The following PHF12 variants were observed in gnomAD, a reference collection of about 807,000 sequenced individuals.
PHF12 encodes the protein PHD finger protein 12, also known as PHD factor 1.
A neutral mutation model predicts 99.8 loss-of-function variants in PHF12; 6 were observed. That is an observed-to-expected ratio of 0.06 (90% CI 0.03 to 0.12). PHF12 has a LOEUF of 0.12. Among genes scored for constraint, PHF12 ranks in the 10% least tolerant of loss-of-function variants. The probability of loss-of-function intolerance (pLI) is 1.00; values close to 1 mark genes in which losing one functional copy is unlikely to be tolerated. For synonymous variants in PHF12, 480 were observed against 514.9 expected, an observed-to-expected ratio of 0.93 and a Z score of 0.92; for missense variants, 954 against 1,300.1, an observed-to-expected ratio of 0.73 and a Z score of 4.09.
chr17:28,951,318 G>A lies in PHF12; in HGVS notation c.-358C>T. The A allele has an allele frequency of 1.8e-6, 2 of 1,082,604 alleles. No individual in the cohort carries two copies. Among genetic ancestry groups the A allele is most frequent in the Non-Finnish European group, 2.2e-6 (2 of 889,250 alleles). The allele number at this position is 1,082,604 out of a possible 1,614,324, so 67.1% of individuals were successfully genotyped here. On this transcript the variant is annotated 5_prime_UTR_variant, in exon 1 of 15. Transcript: ENST00000332830. ...TGGCGGGCGCTGCCATCCCGGGGCT[G>A]GGGGTATCGGAGGGGGGGTGAGAGG...
Position 28,906,356 on chromosome 17 carries a change from G to A in PHF12, c.2842C>T (p.His948Tyr), listed in dbSNP as rs756491308. 3 of 1,614,210 alleles carry A rather than the reference G, an allele frequency of 1.9e-6. No individual in the cohort carries two copies. Among genetic ancestry groups the A allele is most frequent in the Non-Finnish European group, 1.7e-6 (2 of 1,180,046 alleles). ...GAGWEGTALL[H>Y]HGSYIKLGCL... The stretch of plus-strand genomic sequence containing the variant: ...CCCAGCTTGATGTAGCTGCCATGGT[G>A]CAGTAAGGCTGTGCCCTCCCAGCCG... Residue 948 changes from histidine (H) to tyrosine (Y), a missense_variant, in exon 15 of 15, where the codon CAC becomes TAC. Physicochemically the swap from His to Tyr is moderately conservative, Grantham distance 83. Around this residue, in one of 8 missense-constraint regions of PHF12, gnomAD observed 136 missense variants for 172.3 expected, o/e 0.79. Coordinates refer to ENST00000332830, the MANE Select transcript of PHF12 (RefSeq NM_001033561.2). This position sits in a 1 kb window ranked among gnomAD's most constrained non-coding sequence, Gnocchi z 4.2.
At position 28,908,841 on chromosome 17, in the gene PHF12, G is replaced by T. The variant is rs764743560; in HGVS notation, c.2400C>A (p.Pro800=). ...KEVQARAVFY[P]LLGLGGAVNM... ...TCACAGCTCCTCCCAACCCTAAGAG[G>T]GGGTAGAACACAGCTCGGGCCTGTA... Residue 800 remains proline (P), a synonymous_variant, in exon 12 of 15, where the codon CCC becomes CCA. Transcript: ENST00000332830. The T allele has an allele frequency of 1.3e-5, 21 of 1,613,992 alleles. No individual in the cohort carries two copies. The highest frequency in any genetic ancestry group is 1.7e-5 in the Non-Finnish European group (20 of 1,180,032).
rs752658768 is a variant in PHF12 at position 28,913,037 on chromosome 17, G to C, written c.1534C>G (p.His512Asp). The change falls in exon 9 of 15, where the codon CAC (histidine) becomes GAC (aspartate). Residue 512 changes from histidine (H) to aspartate (D), a missense_variant. Transcript: ENST00000332830. The part of the protein sequence containing the change: ...TQNSLSCSPP[H>D]QSPALEDIGC... ...ATGTCCTCTAGGGCTGGGGACTGGT[G>C]GGGTGGAGAGCAGCTCAGGGAATTC... 1.5e-5 allele frequency: 24 copies of C among 1,614,064 alleles called. No individual in the cohort carries two copies. In the Middle Eastern group the frequency reaches 4.9e-4, roughly 33 times the overall value.
rs1567945911 is a variant in PHF12 at position 28,906,523 on chromosome 17, A to G, written c.2681-6T>C. 6.3e-7 allele frequency: 1 copy of G among 1,588,858 alleles called. No homozygotes were observed. The highest frequency in any genetic ancestry group is 1.3e-5 in the African/African-American group (1 of 74,522). On this transcript the variant is annotated splice_region_variant and splice_polypyrimidine_tract_variant and intron_variant, in intron 14 of 14. Transcript: ENST00000332830. This position sits in a 1 kb window ranked among gnomAD's most constrained non-coding sequence, Gnocchi z 4.2. ...TTTCTGGTGCCGGCGGCGCCCTGGG[A>G]AAAAGGGGGATGGTCACAGAAGAGG...
intron 9 of PHF12, 47 bp from the exon 10 acceptor site, chr17:28,911,284 C>T (rs1471152772): frequency 6.2e-7 from 1 of 1,609,212 alleles, no homozygotes; most frequent in Non-Finnish European, 8.5e-7. Context: ...CTGAGGGAAA[C>T]CCACCGTCCA....
intron 9 of PHF12, among the ~76,000 whole-genome samples, chr17:28,911,636 C>G (rs1319068504): frequency 1.3e-5 from 2 of 152,182 alleles, no homozygotes; most frequent in African/African-American, 4.8e-5. Context: ...AAGCGATAAA[C>G]AGAGATAGGA....
At chr17:28,944,354 A>T in intron 2 of PHF12, 3 of 526,530 alleles carry the variant, frequency 5.7e-6, no homozygotes, top group Non-Finnish European at 7.3e-6. Flanking sequence ...TACTTGCCTT[A>T]CTTTACACAA....
intron 12 of PHF12, chr17:28,908,449 T>C (rs2039907595): frequency 4.3e-6 from 1 of 234,640 alleles, no homozygotes; most frequent in South Asian, 6.9e-5. Flanking sequence ...GCCTCCCAAG[T>C]AGCTGGGACT....
chr17:28,945,606 G>A (rs980363714), intron 2 of PHF12, among the ~76,000 whole-genome samples: 1 of 152,164 alleles, frequency 6.6e-6, no homozygotes. Context: ...GGTAATCACA[G>A]GAAACCAGTC....
chr17:28,915,939 C>T (rs1002483475), intron 7 of PHF12, among the ~76,000 whole-genome samples: 16 of 152,186 alleles, frequency 1.1e-4, no homozygotes, highest in Admixed American at 2.0e-4. Flanking sequence ...TCTCCTGGCC[C>T]GTTCACTTCA....
chr17:28,929,475 C>T (rs1034986277), intron 2 of PHF12, among the ~76,000 whole-genome samples: 1 of 152,084 alleles, frequency 6.6e-6, no homozygotes, highest in Non-Finnish European at 1.5e-5. Context: ...GAACTCCTGA[C>T]CTCAGGTGAT....
rs2040794410 is a variant in PHF12 at position 28,950,693 on chromosome 17, G to A, written c.66+202C>T. 1.5e-6 allele frequency: 1 copy of A among 684,418 alleles called. No homozygotes were observed. The highest frequency in any genetic ancestry group is 2.6e-5 in the South Asian group (1 of 38,148). 42.4% of individuals were successfully genotyped at this position (684,418 alleles called of 1,614,324 possible). The stretch of plus-strand genomic sequence containing the variant: ...CTCGGGAGAGCGAATCGAGGGCGGC[G>A]GGTAGGTGAAACTGCTGCAAACGTC... On this transcript the variant is annotated intron_variant, in intron 1 of 14. Transcript: ENST00000332830. The surrounding 1 kb of genome is among the most constrained non-coding windows in gnomAD (Gnocchi z 5.7).
At chr17:28,933,451 A>G (rs1469359064) in intron 2 of PHF12, among the ~76,000 whole-genome samples, 2 of 152,220 alleles carry the variant, frequency 1.3e-5, no homozygotes, top group African/African-American at 2.4e-5. Flanking sequence ...TGGAACCCAA[A>G]TCAAAGTTTC....
chr17:28,951,375 G>A lies in PHF12; in HGVS notation c.-415C>T. On this transcript the variant is annotated 5_prime_UTR_variant, in exon 1 of 15. Transcript: ENST00000332830. The stretch of plus-strand genomic sequence containing the variant: ...GAGGTTGTGGTACGTGAGGTGACTG[G>A]GGGGAGGGTGATGGGGGGTGGTCCC... 1 of 988,088 alleles carries A rather than the reference G, an allele frequency of 1.0e-6. No individual in the cohort carries two copies. Among genetic ancestry groups the A allele is most frequent in the South Asian group, 4.5e-5 (1 of 22,080 alleles). The allele number at this position is 988,088 out of a possible 1,614,324, so 61.2% of individuals were successfully genotyped here.
In PHF12 at chr17:28,910,275, C is replaced by T. The variant is rs751868565; in HGVS notation, c.2310G>A (p.Pro770=). 20 of 1,614,018 alleles carry T rather than the reference C, an allele frequency of 1.2e-5. No individual in the cohort carries two copies. Among genetic ancestry groups the T allele is most frequent in the Admixed American group, 3.3e-5 (2 of 60,010 alleles). The stretch of plus-strand genomic sequence containing the variant: ...CCAGCTGATGTGTCCCGACACTGCC[C>T]GGTGAAGGTTGGACCCGGGAGGGGA... ...QLFPSRVQPS[P]GSVGTHQLAS... Residue 770 remains proline (P), a synonymous_variant, in exon 11 of 15, where the codon CCG becomes CCA. Coordinates refer to ENST00000332830, the MANE Select transcript of PHF12 (RefSeq NM_001033561.2).
At chr17:28,942,016 T>C (rs557189045) in intron 2 of PHF12, among the ~76,000 whole-genome samples, 1 of 152,214 alleles carries the variant, frequency 6.6e-6, no homozygotes, top group East Asian at 1.9e-4. Context: ...TAAAGGCAGA[T>C]GGTGGATTTT....
intron 2 of PHF12, chr17:28,928,258 C>G (rs545947154): frequency 5.9e-5 from 9 of 152,408 alleles, no homozygotes; most frequent in African/African-American, 2.2e-4. Context: ...AACAGAAAAA[C>G]CACCCAGCAG....
Position 28,950,353 on chromosome 17 carries a change from C to T in PHF12, c.67-107G>A, listed in dbSNP as rs757304169. ...ACCCACCCCTCTCCCCCCTTTTGTC[C>T]TTCTTCCTCCCATCCAGGCTGCTCC... On this transcript the variant is annotated intron_variant, in intron 1 of 14. Coordinates refer to ENST00000332830, the MANE Select transcript of PHF12 (RefSeq NM_001033561.2). The surrounding 1 kb of genome is among the most constrained non-coding windows in gnomAD (Gnocchi z 5.7). 4.0e-6 allele frequency: 5 copies of T among 1,249,100 alleles called. No individual in the cohort carries two copies. The East Asian group carries it at 1.3e-4, about 32-fold the overall frequency. The allele number at this position is 1,249,100 out of a possible 1,614,324, so 77.4% of individuals were successfully genotyped here.
intron 2 of PHF12, chr17:28,929,710 T>G (rs2040359945): frequency 1.3e-5 from 2 of 152,210 alleles, no homozygotes; most frequent in South Asian, 4.1e-4. Context: ...TCCTCCCTGT[T>G]TCCTTAGTGA....
Sources: allele counts gnomAD v4.1 joint callset (sites outside exome capture counted in the v4.1 genomes callset), GRCh38; gene constraint gnomAD v4.1.1; regional missense constraint gnomAD v4.1.1; non-coding constraint Gnocchi (gnomAD v3.1); transcripts MANE v1.5; gene names NCBI Gene and HGNC (gene_info 2026-07-23, HGNC 2026-07-21).